MDN1: variants seen among roughly 807,000 people sequenced by gnomAD.
MDN1 encodes the protein midasin AAA ATPase 1.
Under a neutral mutation model 669.2 loss-of-function variants are expected in MDN1, and 266 were observed. That is an observed-to-expected ratio of 0.40 (90% CI 0.36 to 0.44). The LOEUF is 0.44. MDN1 is among the 20% of genes least tolerant of loss of function. The probability of loss-of-function intolerance (pLI) is 1.00; values close to 1 mark genes in which losing one functional copy is unlikely to be tolerated. For synonymous variants in MDN1, 2,385 were observed against 2,457.1 expected (o/e 0.97, Z 0.87); for missense variants, 5,940 against 6,754.0 (o/e 0.88, Z 4.22).
intron 43 of MDN1, among the ~76,000 whole-genome samples, chr6:89,717,045 T>C (rs932599198): frequency 6.6e-6 from 1 of 152,222 alleles, no homozygotes; most frequent in African/African-American, 2.4e-5. Context: ...TCTAGGGTGA[T>C]AGAGGTGGCA....
intron 36 of MDN1, 136 bp downstream of exon 36, chr6:89,728,792 CAAA>C: frequency 6.4e-6 from 6 of 930,600 alleles, no homozygotes; most frequent in Non-Finnish European, 9.5e-6. Flanking sequence ...GACTCTGTCT[CAAA>C]AAAACAAAGA....
Position 89,692,473 on chromosome 6 carries a change from C to T in MDN1, c.10557G>A (p.Arg3519=). 6.2e-7 allele frequency: 1 copy of T among 1,613,722 alleles called. No homozygotes were observed. The highest frequency in any genetic ancestry group is 1.3e-5 in the African/African-American group (1 of 75,042). ...HVLCKGELDQ[R]ALQLFRHVCQ... is the part of the protein sequence containing the mutation. ...ACACATGTCTGAAGAGCTGCAGGGC[C>T]CTCTGGTCCAACTCTCCCTTGCATA... The change falls in exon 63 of 102, where the codon AGG becomes AGA. Residue 3519 remains arginine (R), a synonymous_variant. Coordinates refer to ENST00000369393, the MANE Select transcript of MDN1 (RefSeq NM_014611.3).
rs1481000337 is a variant in MDN1, at chr6:89,642,832, T to G, written c.*1173A>C. On this transcript the variant is annotated 3_prime_UTR_variant, in exon 102 of 102. Transcript: ENST00000369393. The stretch of plus-strand genomic sequence containing the variant: ...GTTTTCAGAATATAAGCTGCATAGC[T>G]TTTTAGAATAAAAAATGATATAACT... 1 of 152,226 alleles carries G rather than the reference T, an allele frequency of 6.6e-6. No homozygotes were observed. The highest frequency in any genetic ancestry group is 1.9e-4 in the East Asian group (1 of 5,206). 9.4% of individuals were successfully genotyped at this position (152,226 alleles called of 1,614,324 possible). A position where few individuals can be genotyped will look rare whatever the true frequency, so the allele number is the denominator to read the frequency against.
chr6:89,747,537 T>C, intron 26 of MDN1, 67 bp from the exon 27 acceptor site: 2 of 1,448,070 alleles, frequency 1.4e-6, no homozygotes, highest in Non-Finnish European at 1.9e-6. Flanking sequence ...TTTAGTACAA[T>C]GCATATAAAA....
chr6:89,757,949 G>A (rs577834666), intron 19 of MDN1, among the ~76,000 whole-genome samples: 1 of 152,318 alleles, frequency 6.6e-6, no homozygotes, highest in Non-Finnish European at 1.5e-5. Context: ...TCAGGAGGCT[G>A]AGGCAGGAGA....
At chr6:89,767,614 G>A (rs1217607241) in intron 15 of MDN1, among the ~76,000 whole-genome samples, 2 of 152,058 alleles carry the variant, frequency 1.3e-5, no homozygotes, top group Non-Finnish European at 2.9e-5. Context: ...AAAATTATCC[G>A]ACATGGTGGT....
intron 49 of MDN1, among the ~76,000 whole-genome samples, chr6:89,711,625 G>A (rs76336276): frequency 5.3e-5 from 8 of 152,238 alleles, no homozygotes; most frequent in Non-Finnish European, 1.0e-4. Flanking sequence ...ACAACATGGA[G>A]CACTGGAACT....
rs765295323 is a variant in MDN1, at chr6:89,650,077, T to C, written c.16153A>G (p.Ile5385Val). 41 of 1,614,036 alleles carry C rather than the reference T, an allele frequency of 2.5e-5. No individual in the cohort carries two copies. The highest frequency in any genetic ancestry group is 3.1e-5 in the Non-Finnish European group (37 of 1,180,040). ...GAAGAGTCATCGATAGCCAAACAAATCTGATACTGGCGTTTACTGGGCTTG... is the reference window on the plus strand; with the variant it reads ...GAAGAGTCATCGATAGCCAAACAAACCTGATACTGGCGTTTACTGGGCTTG... Reference protein sequence around the residue: ...RTKPSKRQYQICLAIDDSSSM... With the variant: ...RTKPSKRQYQVCLAIDDSSSM... Residue 5385 changes from isoleucine (I) to valine (V), a missense_variant, in exon 97 of 102, where the codon ATT (isoleucine) becomes GTT (valine). Physicochemically the swap from Ile to Val is conservative, Grantham distance 29. This residue lies in a region of MDN1 where 2,280 missense variants were observed against 2,576.3 expected (regional missense o/e 0.88). Transcript: ENST00000369393.
intron 74 of MDN1, among the ~76,000 whole-genome samples, chr6:89,679,858 C>T (rs547003019): frequency 1.3e-5 from 2 of 152,228 alleles, no homozygotes; most frequent in Non-Finnish European, 2.9e-5. Context: ...TTGCATCCTG[C>T]AGCGCATCCC....
intron 46 of MDN1, 132 bp downstream of exon 46, chr6:89,714,411 A>AT: frequency 2.2e-6 from 2 of 890,470 alleles, no homozygotes; most frequent in Non-Finnish European, 1.7e-6. Flanking sequence ...GGAAATCCAC[A>AT]TTTTTAACAA....
At chr6:89,771,127 C>T (rs1023382408) in intron 15 of MDN1, among the ~76,000 whole-genome samples, 1 of 152,162 alleles carries the variant, frequency 6.6e-6, no homozygotes, top group African/African-American at 2.4e-5. Context: ...GCAACTCACA[C>T]CTTAAATCTT....
chr6:89,780,213 T>A lies in MDN1; in HGVS notation c.1724A>T (p.Glu575Val). ...AAAGACTGGAAAACTATATCTTACCTCTTGAAAAATATTTAATGATGCTGA... is the reference window on the plus strand; with the variant it reads ...AAAGACTGGAAAACTATATCTTACCACTTGAAAAATATTTAATGATGCTGA... The part of the protein sequence containing the change: ...SLSASLNIFQ[E>V]ALDCFTAMLS... The change falls in exon 11 of 102, where the codon GAG (glutamate) becomes GTG (valine). Residue 575 changes from glutamate to valine, a missense_variant and splice_region_variant. Physicochemically the swap from Glu to Val is moderately radical, Grantham distance 121. This residue lies in a region of MDN1 where 1,203 missense variants were observed against 1,268.9 expected (regional missense o/e 0.95). Coordinates refer to ENST00000369393, the MANE Select transcript of MDN1 (RefSeq NM_014611.3). 6.5e-7 allele frequency: 1 copy of A among 1,541,870 alleles called. No homozygotes were observed. The highest frequency in any genetic ancestry group is 8.8e-7 in the Non-Finnish European group (1 of 1,139,830).
chr6:89,815,375 C>T (rs189011182), intron 1 of MDN1: 35 of 435,664 alleles, frequency 8.0e-5, no homozygotes, highest in African/African-American at 5.9e-4. Context: ...ATGACACTCT[C>T]ATTCATGACT....
chr6:89,701,513 G>T, intron 55 of MDN1, 45 bp downstream of exon 55: 1 of 1,607,060 alleles, frequency 6.2e-7, no homozygotes, highest in East Asian at 2.2e-5. Context: ...GACTTCAGAA[G>T]TAGTAGTCAC....
chr6:89,763,737 T>C (rs1332286378), intron 15 of MDN1, among the ~76,000 whole-genome samples: 1 of 152,178 alleles, frequency 6.6e-6, no homozygotes, highest in African/African-American at 2.4e-5. Context: ...TACTGCTGAC[T>C]CACTGGCCTA....
intron 1 of MDN1, among the ~76,000 whole-genome samples, chr6:89,818,268 G>T (rs1372826909): frequency 6.9e-6 from 1 of 145,058 alleles, no homozygotes. Context: ...GCAGTGAGCT[G>T]AGAGGGTGGG....
At chr6:89,746,168 G>C (rs114466991) in intron 27 of MDN1, among the ~76,000 whole-genome samples, 324 of 152,268 alleles carry the variant, frequency 2.1e-3, no homozygotes, top group African/African-American at 7.5e-3. Flanking sequence ...AATTAGTAGT[G>C]ACAGTAGTCA....
chr6:89,676,367 T>A (rs1811191281), intron 76 of MDN1, among the ~76,000 whole-genome samples, 160 bp from the exon 77 acceptor site: 1 of 152,252 alleles, frequency 6.6e-6, no homozygotes, highest in African/African-American at 2.4e-5. Flanking sequence ...TCATTAGTCC[T>A]TTACTTAACT....
In MDN1 at chr6:89,791,205, G is replaced by A. The variant is rs1430211124; in HGVS notation, c.856-804C>T. On this transcript the variant is annotated intron_variant, in intron 5 of 101. Coordinates refer to ENST00000369393, the MANE Select transcript of MDN1 (RefSeq NM_014611.3). ...CCAAAAAAGCTGATGCACAAAGGTA[G>A]GGAAGAGCAAACCTCATCTATTACT... Among the ~76,000 whole-genome samples, 5 of 152,110 alleles carry A rather than the reference G, an allele frequency of 3.3e-5. No homozygotes were observed. In the South Asian group the frequency reaches 1.0e-3, roughly 32 times the overall value.
Sources: gnomAD v4.1 joint callset for allele counts (sites outside exome capture counted in the v4.1 genomes callset) on GRCh38, gnomAD v4.1.1 for gene constraint, gnomAD v4.1.1 regional missense constraint, MANE v1.5 for transcripts, NCBI Gene and HGNC (gene_info 2026-07-23, HGNC 2026-07-21) for gene names.